Variants in SERPINB7 observed in about 807,000 individuals in gnomAD.
SERPINB7 encodes the protein serpin B7.
In SERPINB7, 31 loss-of-function variants were observed where a neutral mutation model predicts 37.4. The observed-to-expected ratio is 0.83, with a 90% CI of 0.62 to 1.12. The LOEUF (loss-of-function observed/expected upper bound fraction) is 1.12. SERPINB7 is among the 50% of genes most tolerant of loss of function. The pLI is 0.00. For missense variants in SERPINB7, 521 were observed against 455.3 expected (o/e 1.14, Z -1.31); for synonymous variants, 163 against 166.1 (o/e 0.98, Z 0.14).
intron 2 of SERPINB7, among the ~76,000 whole-genome samples, chr18:63,782,876 T>C (rs113455319): frequency 7.2e-5 from 11 of 152,094 alleles, no homozygotes; most frequent in African/African-American, 2.4e-4. Flanking sequence ...CGGTGGCTCA[T>C]GCCTGTAATC....
At chr18:63,770,976 G>A (rs1034576996), upstream of SERPINB7, among the ~76,000 whole-genome samples, 1 of 144,986 alleles carries the variant, frequency 6.9e-6, no homozygotes, top group African/African-American at 2.5e-5. Flanking sequence ...CTGATAGTCT[G>A]AGATGTTGCC....
At position 63,777,224 on chromosome 18, in the gene SERPINB7, CTA is replaced by C. The variant is rs112315913; in HGVS notation, c.-19+1509_-19+1510del. Among the ~76,000 whole-genome samples, 87 of 151,984 alleles carry C rather than the reference CTA, an allele frequency of 5.7e-4. 1 individual carries two copies. Among genetic ancestry groups the C allele is most frequent in the African/African-American group, 2.1e-3 (86 of 41,472 alleles). On this transcript the variant is annotated intron_variant, in intron 1 of 7. Transcript: ENST00000398019. ...ACACATATATATATGTGTGTGTGTA[CTA>C]ATGAAAATGTAATTGGTGTGAATTT...
chr18:63,803,797 C>T (rs2049575417), intron 7 of SERPINB7, among the ~76,000 whole-genome samples: 1 of 152,170 alleles, frequency 6.6e-6, no homozygotes, highest in South Asian at 2.1e-4. Context: ...CGTGGGGTTC[C>T]TTTGGTTTAC....
intron 2 of SERPINB7, among the ~76,000 whole-genome samples, chr18:63,783,093 G>C (rs910984723): frequency 6.6e-6 from 1 of 151,626 alleles, no homozygotes; most frequent in Non-Finnish European, 1.5e-5. Flanking sequence ...AGCCGAGATA[G>C]CGCTACTGCA....
chr18:63,803,819 G>A (rs1459997596), intron 7 of SERPINB7, among the ~76,000 whole-genome samples: 1 of 152,160 alleles, frequency 6.6e-6, no homozygotes, highest in African/African-American at 2.4e-5. Flanking sequence ...CCAGTAAGCT[G>A]TGCAAACATT....
At chr18:63,780,780 G>C (rs1360362169) in intron 1 of SERPINB7, among the ~76,000 whole-genome samples, 1 of 152,160 alleles carries the variant, frequency 6.6e-6, no homozygotes, top group Non-Finnish European at 1.5e-5. Flanking sequence ...AGCTGAATTT[G>C]ACCCTGAAAA....
chr18:63,783,324 A>G (rs1006495302), intron 2 of SERPINB7, among the ~76,000 whole-genome samples: 1 of 151,938 alleles, frequency 6.6e-6, no homozygotes, highest in Admixed American at 6.6e-5. Flanking sequence ...CTACCCCAGA[A>G]GTACTGAATC....
chr18:63,779,964 A>C (rs1407871424), intron 1 of SERPINB7, among the ~76,000 whole-genome samples: 1 of 152,168 alleles, frequency 6.6e-6, no homozygotes, highest in Non-Finnish European at 1.5e-5. Context: ...ATATTTTTGC[A>C]CTTTGGGAAA....
At chr18:63,797,138 C>T (rs909716102) in intron 5 of SERPINB7, among the ~76,000 whole-genome samples, 6 of 152,106 alleles carry the variant, frequency 3.9e-5, no homozygotes, top group Non-Finnish European at 7.4e-5. Flanking sequence ...GTTCATCAAC[C>T]AATTCCAAAG....
intron 5 of SERPINB7, among the ~76,000 whole-genome samples, chr18:63,797,914 C>G (rs1464069225): frequency 1.3e-5 from 2 of 152,204 alleles, no homozygotes; most frequent in African/African-American, 4.8e-5. Flanking sequence ...ATAGTCTCTG[C>G]TTTATGGAAG....
In SERPINB7 at chr18:63,779,917, A is replaced by T. The variant is rs536440445; in HGVS notation, c.-18-2438A>T. ...GCATAATTTGTAAAACAACAAGAAG[A>T]ATTGGAACTTGAACAAAGAAAAATG... On this transcript the variant is annotated intron_variant, in intron 1 of 7. Coordinates refer to ENST00000398019, the MANE Select transcript of SERPINB7 (RefSeq NM_003784.4). Among the ~76,000 whole-genome samples the T allele has an allele frequency of 2.0e-4, 30 of 152,236 alleles. 1 individual carries two copies. In the South Asian group the frequency reaches 6.2e-3, roughly 32 times the overall value.
chr18:63,754,640 C>T (rs1377130237), intron 1 of SERPINB7, among the ~76,000 whole-genome samples: 1 of 152,158 alleles, frequency 6.6e-6, no homozygotes, highest in Non-Finnish European at 1.5e-5. Context: ...GAGCCCCACC[C>T]TCCACCCAGC....
chr18:63,762,316 CT>C (rs1435606888), intron 1 of SERPINB7, among the ~76,000 whole-genome samples: 24 of 152,306 alleles, frequency 1.6e-4, no homozygotes, highest in Non-Finnish European at 1.2e-4. Context: ...CACTTATCTT[CT>C]TTGGTTTAAT....
upstream of SERPINB7, among the ~76,000 whole-genome samples, chr18:63,770,871 A>G (rs890060163): frequency 2.8e-5 from 2 of 72,680 alleles, no homozygotes; most frequent in African/African-American, 9.6e-5. Context: ...CAGTCTGCAC[A>G]TGCACACACA....
chr18:63,775,452 G>C lies in SERPINB7; in HGVS notation c.-283G>C, dbSNP rs969610620. ...CAGCTGCCTGTGCAGAGTGCAGGCT[G>C]CACCTTTGGACAGCCTTTAAAACTG... On this transcript the variant is annotated 5_prime_UTR_variant, in exon 1 of 8. Coordinates refer to ENST00000398019, the MANE Select transcript of SERPINB7 (RefSeq NM_003784.4). The C allele has an allele frequency of 2.0e-4, 30 of 152,208 alleles. No individual in the cohort carries two copies. The highest frequency in any genetic ancestry group is 7.2e-4 in the African/African-American group (30 of 41,450). 9.4% of individuals were successfully genotyped at this position (152,208 alleles called of 1,614,324 possible). A position where few individuals can be genotyped will look rare whatever the true frequency, so the allele number is the denominator to read the frequency against.
chr18:63,759,376 C>T (rs2049140074), intron 1 of SERPINB7, among the ~76,000 whole-genome samples: 1 of 152,076 alleles, frequency 6.6e-6, no homozygotes, highest in South Asian at 2.1e-4. Flanking sequence ...TATTTTCCTT[C>T]ACAGAAGAAC....
intron 1 of SERPINB7, among the ~76,000 whole-genome samples, chr18:63,769,902 CT>C (rs1048597269): frequency 2.6e-5 from 4 of 151,620 alleles, no homozygotes; most frequent in African/African-American, 9.7e-5. Flanking sequence ...GGGTGCTACA[CT>C]TTTGCTAGTG....
chr18:63,774,372 A>G (rs2144598174), upstream of SERPINB7, among the ~76,000 whole-genome samples: 1 of 152,234 alleles, frequency 6.6e-6, no homozygotes, highest in East Asian at 1.9e-4. Flanking sequence ...TAGAGAACCC[A>G]GTTACTTGGA....
intron 2 of SERPINB7, among the ~76,000 whole-genome samples, chr18:63,784,055 C>T (rs1456107529): frequency 2.0e-5 from 3 of 152,006 alleles, no homozygotes; most frequent in Non-Finnish European, 4.4e-5. Context: ...CAACTATCTG[C>T]TGAGAACTTA....
Sources: allele counts gnomAD v4.1 joint callset (sites outside exome capture counted in the v4.1 genomes callset), GRCh38; gene constraint gnomAD v4.1.1; transcripts MANE v1.5; gene names NCBI Gene and HGNC (gene_info 2026-07-23, HGNC 2026-07-21).